Variants in MYO16 observed in about 807,000 individuals in gnomAD.
MYO16 encodes the protein unconventional myosin-XVI.
MYO16 carries 94 observed loss-of-function variants against 205.3 expected under a neutral mutation model. That is an observed-to-expected ratio of 0.46 (90% CI 0.39 to 0.54). The LOEUF is 0.54. Ranked by LOEUF, MYO16 falls within the 20% of genes least tolerant of loss-of-function variation. The probability of loss-of-function intolerance (pLI) is 0.00; values close to 1 mark genes in which losing one functional copy is unlikely to be tolerated. For synonymous variants in MYO16, 988 were observed against 954.0 expected (o/e 1.04, Z -0.66); for missense variants, 2,315 against 2,387.5 (o/e 0.97, Z 0.63).
intron 6 of MYO16, among the ~76,000 whole-genome samples, chr13:108,795,510 C>A (rs1886763797): frequency 6.6e-6 from 1 of 152,100 alleles, no homozygotes; most frequent in Non-Finnish European, 1.5e-5. Flanking sequence ...GCCTGGCCAG[C>A]TTCTAAAATT....
At chr13:108,744,805 T>G (rs1885010021) in intron 4 of MYO16, among the ~76,000 whole-genome samples, 1 of 152,256 alleles carries the variant, frequency 6.6e-6, no homozygotes, top group South Asian at 2.1e-4. Flanking sequence ...AAAGAGGCTA[T>G]TCAGCCTCCT....
intron 1 of MYO16, among the ~76,000 whole-genome samples, chr13:108,622,109 G>A (rs1879565507): frequency 6.6e-6 from 1 of 152,098 alleles, no homozygotes; most frequent in South Asian, 2.1e-4. Context: ...GGGTAAACAT[G>A]GCATAATTAC....
At chr13:108,855,282 T>G in intron 10 of MYO16, 161 bp from the exon 11 acceptor site, 1 of 403,386 alleles carries the variant, frequency 2.5e-6, no homozygotes, top group African/African-American at 2.0e-5. Context: ...TAGAGTTTTT[T>G]TTTTTTTTCT....
the MYO16 span, among the ~76,000 whole-genome samples, chr13:108,539,446 A>G: frequency 2.0e-5 from 3 of 152,206 alleles, no homozygotes; most frequent in Admixed American, 2.0e-4. Context: ...ATGATGAAAG[A>G]TCTAAAACAT....
chr13:109,041,911 G>T (rs149350956), intron 23 of MYO16, among the ~76,000 whole-genome samples: 27 of 151,394 alleles, frequency 1.8e-4, no homozygotes, highest in African/African-American at 6.6e-4. Context: ...GCCCAGGCTG[G>T]AGTGCAGTGG....
intron 22 of MYO16, among the ~76,000 whole-genome samples, chr13:109,017,778 G>A (rs183841372): frequency 2.2e-4 from 34 of 152,026 alleles, no homozygotes; most frequent in African/African-American, 5.8e-4. Context: ...TTGTGCATGC[G>A]TCACGTAGTT....
chr13:109,164,763 A>C, intron 32 of MYO16, 138 bp from the exon 33 acceptor site: 1 of 525,224 alleles, frequency 1.9e-6, no homozygotes, highest in Non-Finnish European at 2.9e-6. Flanking sequence ...ATAGGCTACA[A>C]ATTTTATTAA....
intron 27 of MYO16, among the ~76,000 whole-genome samples, chr13:109,089,362 C>T (rs963878105): frequency 2.0e-5 from 3 of 151,862 alleles, no homozygotes; most frequent in East Asian, 1.9e-4. Context: ...TACAGGTGCC[C>T]GCCACCATGC....
intron 1 of MYO16, among the ~76,000 whole-genome samples, chr13:108,604,608 A>T (rs1486735907): frequency 6.6e-6 from 1 of 152,204 alleles, no homozygotes; most frequent in Non-Finnish European, 1.5e-5. Context: ...TAAAGTTTTG[A>T]ATTGTTGAAG....
intron 4 of MYO16, among the ~76,000 whole-genome samples, chr13:108,732,736 G>A (rs1459897601): frequency 6.6e-6 from 1 of 152,214 alleles, no homozygotes; most frequent in African/African-American, 2.4e-5. Flanking sequence ...GATCACGTTT[G>A]CTGCTCTGTT....
At chr13:108,788,842 C>T (rs1324287356) in intron 5 of MYO16, among the ~76,000 whole-genome samples, 1 of 152,200 alleles carries the variant, frequency 6.6e-6, no homozygotes, top group East Asian at 1.9e-4. Flanking sequence ...AACAGTCTCT[C>T]TCCTGCCATC....
intron 4 of MYO16, among the ~76,000 whole-genome samples, chr13:108,767,051 T>C (rs186529222): frequency 8.9e-4 from 136 of 152,254 alleles, no homozygotes; most frequent in Non-Finnish European, 9.1e-4. Context: ...TGAACTTCCA[T>C]AAATATATTT....
At position 109,158,152 on chromosome 13, in the gene MYO16, T is replaced by C. The variant is rs79544194; in HGVS notation, c.5165-6749T>C. ...AGAGTGGCCACTGCGCTCCAGGGCA[T>C]CTCTTTGCCTTCCCAGGGCTGAACC... On this transcript the variant is annotated intron_variant, in intron 32 of 34. Transcript: ENST00000457511. Among the ~76,000 whole-genome samples the C allele has an allele frequency of 4.8e-3, 728 of 152,226 alleles. 13 individuals carry two copies. The East Asian group carries it at 0.065, about 14-fold the overall frequency.
At chr13:108,687,258 CT>C (rs1179442105) in intron 2 of MYO16, among the ~76,000 whole-genome samples, 1 of 152,184 alleles carries the variant, frequency 6.6e-6, no homozygotes, top group Non-Finnish European at 1.5e-5. Context: ...AGTGCAGTGT[CT>C]TCTCGCCAGG....
At chr13:109,201,184 T>C (rs1008396397) in intron 34 of MYO16, among the ~76,000 whole-genome samples, 14 of 152,120 alleles carry the variant, frequency 9.2e-5, no homozygotes, top group African/African-American at 3.4e-4. Flanking sequence ...TGATTAAATA[T>C]TATATTATTC....
chr13:108,781,996 G>C (rs998383073), intron 4 of MYO16, among the ~76,000 whole-genome samples: 1 of 152,150 alleles, frequency 6.6e-6, no homozygotes, highest in African/African-American at 2.4e-5. Context: ...TTTATTAGCA[G>C]TGTAAAAACG....
chr13:108,710,899 G>A (rs761566593), intron 2 of MYO16, among the ~76,000 whole-genome samples: 22 of 152,194 alleles, frequency 1.4e-4, no homozygotes, highest in Non-Finnish European at 2.2e-4. Flanking sequence ...ATTCATGATG[G>A]ATAATTTCAT....
chr13:108,838,367 G>T (rs1877038871), intron 9 of MYO16, among the ~76,000 whole-genome samples: 1 of 151,890 alleles, frequency 6.6e-6, no homozygotes, highest in Non-Finnish European at 1.5e-5. Flanking sequence ...AAAAAAAATA[G>T]GGAAAGGCCA....
At chr13:108,794,810 G>T (rs1002615695) in intron 6 of MYO16, among the ~76,000 whole-genome samples, 1 of 152,062 alleles carries the variant, frequency 6.6e-6, no homozygotes, top group Admixed American at 6.5e-5. Context: ...AGGGAATTTG[G>T]AGTTCTGAAG....
Sources: gnomAD v4.1 joint callset for allele counts (sites outside exome capture counted in the v4.1 genomes callset) on GRCh38, gnomAD v4.1.1 for gene constraint, MANE v1.5 for transcripts, NCBI Gene and HGNC (gene_info 2026-07-23, HGNC 2026-07-21) for gene names.